The following BABAM2 variants were observed in gnomAD, a reference collection of about 807,000 sequenced individuals.
BABAM2 encodes the protein BRISC and BRCA1 A complex member 2, also known as BRISC and BRCA1-A complex member 2.
A neutral mutation model predicts 54.7 loss-of-function variants in BABAM2; 31 were observed. The ratio of observed to expected loss-of-function variants is 0.57; its 90% CI spans 0.43 to 0.77. The LOEUF is 0.77. Among genes scored for constraint, BABAM2 ranks in the 30% least tolerant of loss-of-function variants. BABAM2 has a pLI of 0.00. For missense variants in BABAM2, 364 were observed against 455.8 expected, an observed-to-expected ratio of 0.80 and a Z score of 1.83; for synonymous variants, 167 against 162.9, an observed-to-expected ratio of 1.03 and a Z score of -0.19.
chr2:28,296,769 C>T (rs1687726987), intron 10 of BABAM2, among the ~76,000 whole-genome samples: 1 of 152,170 alleles, frequency 6.6e-6, no homozygotes, highest in Non-Finnish European at 1.5e-5. Context: ...CTCACTGCAG[C>T]ATCCGCCTCC....
chr2:28,055,454 CAG>C (rs1436281757), intron 6 of BABAM2, among the ~76,000 whole-genome samples: 4 of 152,120 alleles, frequency 2.6e-5, no homozygotes, highest in Admixed American at 6.5e-5. Context: ...GAAATTATGA[CAG>C]AGTTATGTTT....
chr2:28,161,161 T>C (rs1162342630), intron 7 of BABAM2, among the ~76,000 whole-genome samples: 2 of 152,212 alleles, frequency 1.3e-5, no homozygotes, highest in Non-Finnish European at 2.9e-5. Flanking sequence ...GTTTTCTTTT[T>C]AAGTGGCTTA....
chr2:27,923,152 A>G (rs1667453740), intron 2 of BABAM2, among the ~76,000 whole-genome samples: 1 of 152,238 alleles, frequency 6.6e-6, no homozygotes, highest in African/African-American at 2.4e-5. Flanking sequence ...AAGTTTTGTG[A>G]TATCACAGTA....
intron 10 of BABAM2, among the ~76,000 whole-genome samples, chr2:28,261,092 C>T (rs952909977): frequency 6.6e-6 from 1 of 151,624 alleles, no homozygotes; most frequent in African/African-American, 2.4e-5. Context: ...CAGGCACACA[C>T]CACCATACCC....
chr2:27,931,845 G>A (rs1279193537), intron 3 of BABAM2, among the ~76,000 whole-genome samples: 2 of 152,056 alleles, frequency 1.3e-5, no homozygotes, highest in East Asian at 3.9e-4. Flanking sequence ...ATTAGCCCCT[G>A]CCCTTCCTTC....
At chr2:28,121,301 G>T (rs980453747) in intron 6 of BABAM2, among the ~76,000 whole-genome samples, 1 of 152,080 alleles carries the variant, frequency 6.6e-6, no homozygotes, top group African/African-American at 2.4e-5. Context: ...CCTGGCTCTT[G>T]TACATTTCCC....
intron 2 of BABAM2, among the ~76,000 whole-genome samples, chr2:27,906,952 T>C (rs1295293994): frequency 6.6e-6 from 1 of 152,212 alleles, no homozygotes; most frequent in African/African-American, 2.4e-5. Context: ...GAGGGTTTTT[T>C]TTAGTACAGG....
At chr2:28,051,050 A>G (rs1005053211) in intron 6 of BABAM2, among the ~76,000 whole-genome samples, 2 of 152,232 alleles carry the variant, frequency 1.3e-5, no homozygotes, top group African/African-American at 4.8e-5. Context: ...TAACTGGGTT[A>G]TCATGGTAAG....
At chr2:28,226,524 C>G (rs1232959826) in intron 7 of BABAM2, among the ~76,000 whole-genome samples, 1 of 152,042 alleles carries the variant, frequency 6.6e-6, no homozygotes, top group African/African-American at 2.4e-5. Context: ...AGATTATATT[C>G]TAGTGAGGAG....
chr2:28,211,459 C>T lies in BABAM2; in HGVS notation c.681-25743C>T, dbSNP rs925562911. ...CTGGAGTACAGTGGCGTGATCTCGG[C>T]GCACTGCAACTTCCACCTCCTGGGT... On this transcript the variant is annotated intron_variant, in intron 7 of 11. Coordinates refer to ENST00000379624, the MANE Select transcript of BABAM2 (RefSeq NM_199191.3). Among the ~76,000 whole-genome samples the T allele has an allele frequency of 2.3e-5, 3 of 132,682 alleles. No homozygotes were observed. In the South Asian group the frequency reaches 7.2e-4, roughly 32 times the overall value. 87.0% of individuals were successfully genotyped at this position (132,682 alleles called of 152,430 possible). A position where few individuals can be genotyped will look rare whatever the true frequency, so the allele number is the denominator to read the frequency against.
intron 6 of BABAM2, among the ~76,000 whole-genome samples, chr2:28,059,139 A>T (rs536977590): frequency 6.6e-6 from 1 of 152,354 alleles, no homozygotes; most frequent in African/African-American, 2.4e-5. Context: ...AGAATTTGGC[A>T]TAGGAGAAGC....
chr2:28,152,227 G>A (rs571215179), intron 7 of BABAM2, among the ~76,000 whole-genome samples: 29 of 152,146 alleles, frequency 1.9e-4, no homozygotes, highest in Non-Finnish European at 3.5e-4. Flanking sequence ...AGAGCCATGT[G>A]CCTCTAAGAG....
intron 4 of BABAM2, among the ~76,000 whole-genome samples, chr2:28,013,587 G>A (rs1674562366): frequency 2.0e-5 from 3 of 148,936 alleles, no homozygotes; most frequent in Admixed American, 1.3e-4. Flanking sequence ...TGAGAATCAG[G>A]ATCATATTAC....
intron 7 of BABAM2, among the ~76,000 whole-genome samples, chr2:28,187,066 A>G (rs1238576511): frequency 1.3e-5 from 2 of 152,126 alleles, no homozygotes; most frequent in Non-Finnish European, 2.9e-5. Flanking sequence ...CGGCCTCCCA[A>G]AGTACTGGGA....
intron 6 of BABAM2, among the ~76,000 whole-genome samples, chr2:28,100,499 T>C (rs2148707430): frequency 6.6e-6 from 1 of 152,056 alleles, no homozygotes; most frequent in East Asian, 1.9e-4. Context: ...TGCCTGACTT[T>C]TAAAAGTCAC....
chr2:28,111,639 C>T (rs1054255557), intron 6 of BABAM2, among the ~76,000 whole-genome samples: 1 of 151,616 alleles, frequency 6.6e-6, no homozygotes, highest in African/African-American at 2.4e-5. Flanking sequence ...TAGGATAATA[C>T]TTCAGTGTGT....
chr2:27,925,981 C>T (rs1022836251), intron 2 of BABAM2, among the ~76,000 whole-genome samples: 2 of 152,118 alleles, frequency 1.3e-5, no homozygotes, highest in Non-Finnish European at 2.9e-5. Context: ...CTGTAGATAG[C>T]AGAGAAGTAG....
chr2:28,266,545 A>T (rs1284900410), intron 10 of BABAM2, among the ~76,000 whole-genome samples: 3 of 152,234 alleles, frequency 2.0e-5, no homozygotes, highest in Non-Finnish European at 4.4e-5. Flanking sequence ...ATAAGATCTT[A>T]TAGTATTTCA....
chr2:28,227,651 C>A (rs1217460131), intron 7 of BABAM2, among the ~76,000 whole-genome samples: 1 of 152,174 alleles, frequency 6.6e-6, no homozygotes, highest in East Asian at 1.9e-4. Context: ...TCCACAGTGC[C>A]TTTCAAGTAG....
Sources: allele counts gnomAD v4.1 joint callset (sites outside exome capture counted in the v4.1 genomes callset), GRCh38; gene constraint gnomAD v4.1.1; transcripts MANE v1.5; gene names NCBI Gene and HGNC (gene_info 2026-07-23, HGNC 2026-07-21).